The following BRAF variants were observed in gnomAD, a reference collection of about 807,000 sequenced individuals.
The protein encoded by BRAF is serine/threonine-protein kinase B-raf.
A neutral mutation model predicts 104.6 loss-of-function variants in BRAF; 16 were observed. The ratio of observed to expected loss-of-function variants is 0.15; its 90% confidence interval spans 0.10 to 0.23. The LOEUF (loss-of-function observed/expected upper bound fraction) is 0.23, where lower values mean the gene tolerates loss of function less well. Among genes scored for constraint, BRAF ranks in the 10% least tolerant of loss-of-function variants. BRAF has a pLI of 1.00. For synonymous variants in BRAF, 310 were observed against 341.6 expected, an observed-to-expected ratio of 0.91 and a Z score of 1.02; for missense variants, 541 against 937.3, an observed-to-expected ratio of 0.58 and a Z score of 5.52.
At chr7:140,714,586 C>G (rs774297636), downstream of BRAF, among the ~76,000 whole-genome samples, 1 of 152,104 alleles carries the variant, frequency 6.6e-6, no homozygotes, top group African/African-American at 2.4e-5. Context: ...GTCTTGAAGT[C>G]GAGGCCTCAA....
chr7:140,871,236 T>A, intron 1 of BRAF, among the ~76,000 whole-genome samples: 2 of 103,686 alleles, frequency 1.9e-5, no homozygotes, highest in East Asian at 2.4e-4. Flanking sequence ...CAAGACTCCG[T>A]CTCAAAAAAA....
Position 140,719,620 on chromosome 7 carries a change from A to T in BRAF, c.*6874T>A. On this transcript the variant is annotated 3_prime_UTR_variant, in exon 20 of 20. Coordinates refer to ENST00000644969, the MANE Select transcript of BRAF (RefSeq NM_001374258.1). ...CAGGAAGTGGGTATGGGGGAGAATT[A>T]AAAAAAATAATAAAAGATTCAAGCA... 4 of 1,054,418 alleles carry T rather than the reference A, an allele frequency of 3.8e-6. No individual in the cohort carries two copies. Among genetic ancestry groups the T allele is most frequent in the South Asian group, 4.6e-5 (1 of 21,798 alleles). 65.3% of individuals were successfully genotyped at this position (1,054,418 alleles called of 1,614,324 possible).
At position 140,787,532 on chromosome 7, in the gene BRAF, T is replaced by G. The variant is rs2129031539; in HGVS notation, c.1177+16A>C. 3 of 1,609,918 alleles carry G rather than the reference T, an allele frequency of 1.9e-6. No homozygotes were observed. Among genetic ancestry groups the G allele is most frequent in the East Asian group, 2.2e-5 (1 of 44,762 alleles). On this transcript the variant is annotated intron_variant, in intron 9 of 19. Transcript: ENST00000644969. ...GTTTCCTTGAGTTTTTAAAAAAACC[T>G]GAAATCACTACTTACCTCCATCACC...
Position 140,720,988 on chromosome 7 carries a change from C to G in BRAF, c.*5506G>C. ...AATGAACTCGGCTGGCCGGGAGAAG[C>G]AGATGGTTTGTACAAACATTTTTTG... On this transcript the variant is annotated 3_prime_UTR_variant, in exon 20 of 20. Transcript: ENST00000644969. The G allele has an allele frequency of 9.4e-7, 1 of 1,064,178 alleles. No homozygotes were observed. The highest frequency in any genetic ancestry group is 4.6e-5 in the South Asian group (1 of 21,968). 65.9% of individuals were successfully genotyped at this position (1,064,178 alleles called of 1,614,324 possible).
chr7:140,814,921 A>G (rs1673792627), intron 3 of BRAF, among the ~76,000 whole-genome samples: 1 of 150,574 alleles, frequency 6.6e-6, no homozygotes. Context: ...TATATGTTTA[A>G]TTCTTTGAGA....
Position 140,749,428 on chromosome 7 carries a change from C to G in BRAF, c.1981-10G>C, listed in dbSNP as rs770065462. 2 of 1,612,116 alleles carry G rather than the reference C, an allele frequency of 1.2e-6. No homozygotes were observed. Among genetic ancestry groups the G allele is most frequent in the Admixed American group, 3.3e-5 (2 of 59,940 alleles). On this transcript the variant is annotated splice_polypyrimidine_tract_variant and intron_variant, in intron 16 of 19. Transcript: ENST00000644969. ...TGATGACTTCTGGTGCCTGTTAGAA[C>G]ATACAAAGAAAAATATTCTTCACTT...
chr7:140,749,600 CAGAAAG>C (rs1797626047), intron 16 of BRAF, among the ~76,000 whole-genome samples, 182 bp from the exon 16 acceptor site: 1 of 152,138 alleles, frequency 6.6e-6, no homozygotes, highest in Non-Finnish European at 1.5e-5. Context: ...TCTACATACT[CAGAAAG>C]AGACAGTATT....
intron 1 of BRAF, among the ~76,000 whole-genome samples, chr7:140,878,181 C>CA (rs1812478257): frequency 6.6e-6 from 1 of 151,414 alleles, no homozygotes; most frequent in African/African-American, 2.4e-5. Context: ...ACACACATAC[C>CA]AAAACTGATG....
chr7:140,721,671 TCAGTA>T lies in BRAF; in HGVS notation c.*4818_*4822del. The T allele has an allele frequency of 6.5e-7, 1 of 1,535,014 alleles. No individual in the cohort carries two copies. ...TCTGGGGCTCAACTACCGATGGGCA[TCAGTA>T]ATCCATCCCAGTATAACATTTCAAG... On this transcript the variant is annotated 3_prime_UTR_variant, in exon 20 of 20. Coordinates refer to ENST00000644969, the MANE Select transcript of BRAF (RefSeq NM_001374258.1).
rs1001117412 is a variant in BRAF at position 140,723,417 on chromosome 7, C to T, written c.*3077G>A. 1.3e-5 allele frequency: 14 copies of T among 1,054,216 alleles called. No homozygotes were observed. In the African/African-American group the frequency reaches 2.2e-4, roughly 16 times the overall value. The allele number at this position is 1,054,216 out of a possible 1,614,324, so 65.3% of individuals were successfully genotyped here. ...ATGGGATTTTATCTTCTAAAATGCC[C>T]CAGTATGCCCTACTAGATCTCAAAT... On this transcript the variant is annotated 3_prime_UTR_variant, in exon 20 of 20. Coordinates refer to ENST00000644969, the MANE Select transcript of BRAF (RefSeq NM_001374258.1).
At position 140,725,649 on chromosome 7, in the gene BRAF, T is replaced by C. The variant is rs758964437; in HGVS notation, c.*845A>G. On this transcript the variant is annotated 3_prime_UTR_variant, in exon 20 of 20. Transcript: ENST00000644969. Reference sequence around the variant, plus strand: ...TAAGTAGTTGGTGACTGGAAGAGCATAGGAGGAAGATATAAACTGTATTTC... The same window carrying C: ...TAAGTAGTTGGTGACTGGAAGAGCACAGGAGGAAGATATAAACTGTATTTC... 117 of 1,057,498 alleles carry C rather than the reference T, an allele frequency of 1.1e-4. No homozygotes were observed. The highest frequency in any genetic ancestry group is 4.6e-4 in the South Asian group (10 of 21,874). The allele number at this position is 1,057,498 out of a possible 1,614,324, so 65.5% of individuals were successfully genotyped here. A position where few individuals can be genotyped will look rare whatever the true frequency, so the allele number is the denominator to read the frequency against.
chr7:140,864,879 A>G (rs1810781293), intron 1 of BRAF, among the ~76,000 whole-genome samples: 1 of 152,200 alleles, frequency 6.6e-6, no homozygotes, highest in Admixed American at 6.5e-5. Flanking sequence ...CTGAGTCACA[A>G]GTAGAGAAAT....
chr7:140,821,235 T>C (rs985725095), intron 3 of BRAF, among the ~76,000 whole-genome samples: 1 of 151,682 alleles, frequency 6.6e-6, no homozygotes. Flanking sequence ...CCTTCTGCCT[T>C]GGCCTCCCAA....
intron 1 of BRAF, among the ~76,000 whole-genome samples, chr7:140,869,370 T>A (rs1435872500): frequency 6.6e-6 from 1 of 152,210 alleles, no homozygotes; most frequent in African/African-American, 2.4e-5. Flanking sequence ...CAGTGACTCA[T>A]GTCTGCAATC....
intron 3 of BRAF, among the ~76,000 whole-genome samples, chr7:140,814,140 T>TA (rs1804574368): frequency 6.6e-6 from 1 of 152,170 alleles, no homozygotes; most frequent in African/African-American, 2.4e-5. Flanking sequence ...TATCTTTGAT[T>TA]AGCTTGTCAG....
chr7:140,807,934 T>C (rs1354702117), intron 5 of BRAF, 26 bp downstream of exon 5: 1 of 1,559,096 alleles, frequency 6.4e-7, no homozygotes, highest in African/African-American at 1.4e-5. Flanking sequence ...TTTTGACATT[T>C]CAAAAAAAAA....
At chr7:140,789,268 T>G (rs1801706774) in intron 8 of BRAF, among the ~76,000 whole-genome samples, 1 of 152,042 alleles carries the variant, frequency 6.6e-6, no homozygotes, top group Admixed American at 6.6e-5. Context: ...ACGATGGTAG[T>G]GGGGACAGTC....
intron 7 of BRAF, among the ~76,000 whole-genome samples, chr7:140,798,260 G>A (rs906734367): frequency 2.5e-5 from 1 of 40,702 alleles, no homozygotes; most frequent in African/African-American, 1.3e-4. Flanking sequence ...GCTGTATGGG[G>A]ACTTTTTTTT....
chr7:140,755,014 G>A (rs1264852365), intron 14 of BRAF, among the ~76,000 whole-genome samples: 1 of 152,102 alleles, frequency 6.6e-6, no homozygotes, highest in African/African-American at 2.4e-5. Context: ...AGGCAGCATT[G>A]TTGTTGTTGT....
Sources: gnomAD v4.1 joint callset for allele counts (sites outside exome capture counted in the v4.1 genomes callset) on GRCh38, gnomAD v4.1.1 for gene constraint, MANE v1.5 for transcripts, NCBI Gene and HGNC (gene_info 2026-07-23, HGNC 2026-07-21) for gene names.